The following CRYZL1 variants were observed in gnomAD, a reference collection of about 807,000 sequenced individuals.
The protein encoded by CRYZL1 is ferry endosomal RAB5 effector complex subunit 4.
A neutral mutation model predicts 50.6 loss-of-function variants in CRYZL1; 34 were observed. The ratio of observed to expected loss-of-function variants is 0.67; its 90% confidence interval spans 0.51 to 0.89. CRYZL1 has a LOEUF of 0.89. CRYZL1 is among the 40% of genes least tolerant of loss of function. The pLI, the probability that CRYZL1 is intolerant of heterozygous loss-of-function variation, is 0.00. For synonymous variants in CRYZL1, 125 were observed against 134.3 expected (o/e 0.93, Z 0.48); for missense variants, 354 against 402.3 (o/e 0.88, Z 1.03).
rs751255243 is a variant in CRYZL1 at position 33,597,292 on chromosome 21, T to C, written c.786A>G (p.Glu262=). ...LGVGGHWVTT[E]ENLQLDPPDS... ...TTTCTGATAGTACCTGAAGGTTTTC[T>C]TCTGTTGTTACCCAGTGGCCTCCAA... Residue 262 remains glutamate (E), a synonymous_variant, in exon 10 of 13, where the codon GAA becomes GAG. Coordinates refer to ENST00000381554, the MANE Select transcript of CRYZL1 (RefSeq NM_145858.3). 1.9e-6 allele frequency: 3 copies of C among 1,613,930 alleles called. No homozygotes were observed. Among genetic ancestry groups the C allele is most frequent in the Non-Finnish European group, 2.5e-6 (3 of 1,179,788 alleles).
chr21:33,622,790 A>G (rs551497128), intron 3 of CRYZL1, among the ~76,000 whole-genome samples: 2 of 152,234 alleles, frequency 1.3e-5, no homozygotes, highest in East Asian at 3.9e-4. Context: ...TATTTTAGGA[A>G]CAGTAAGTAA....
intron 5 of CRYZL1, 106 bp downstream of exon 5, chr21:33,616,600 A>C (rs1395897496): frequency 6.3e-7 from 1 of 1,578,672 alleles, no homozygotes; most frequent in South Asian, 1.1e-5. Flanking sequence ...CCGGGAAAGT[A>C]CTTCTATATG....
intron 4 of CRYZL1, among the ~76,000 whole-genome samples, chr21:33,621,620 C>T (rs2087003382): frequency 6.6e-6 from 1 of 152,198 alleles, no homozygotes; most frequent in African/African-American, 2.4e-5. Context: ...GGATTACAGG[C>T]ATGAGCCACT....
In CRYZL1 at chr21:33,600,741, T is replaced by C. The variant is rs2086742710; in HGVS notation, c.577+1493A>G. ...CCCAGGTTCACGCCATTCTCCTGCCTCAGCCTCCCGAGTAGCTGGGACTAC... is the reference window on the plus strand; with the variant it reads ...CCCAGGTTCACGCCATTCTCCTGCCCCAGCCTCCCGAGTAGCTGGGACTAC... On this transcript the variant is annotated intron_variant, in intron 8 of 12. Coordinates refer to ENST00000381554, the MANE Select transcript of CRYZL1 (RefSeq NM_145858.3). Among the ~76,000 whole-genome samples the C allele has an allele frequency of 2.0e-5, 3 of 150,810 alleles. No individual in the cohort carries two copies. In the South Asian group the frequency reaches 6.3e-4, roughly 32 times the overall value.
At chr21:33,609,386 A>G (rs7278418) in intron 6 of CRYZL1, among the ~76,000 whole-genome samples, 2 of 151,856 alleles carry the variant, frequency 1.3e-5, no homozygotes, top group African/African-American at 2.4e-5. Flanking sequence ...AGTAGCCTCA[A>G]CCTCCTAGGT....
intron 6 of CRYZL1, among the ~76,000 whole-genome samples, chr21:33,610,742 T>A (rs8127598): frequency 1.4e-5 from 2 of 138,616 alleles, no homozygotes; most frequent in East Asian, 2.2e-4. Context: ...TTTTTTTTTT[T>A]TTTTTTTTTG....
At chr21:33,624,375 A>T (rs940433382) in intron 3 of CRYZL1, among the ~76,000 whole-genome samples, 1 of 152,040 alleles carries the variant, frequency 6.6e-6, no homozygotes, top group Admixed American at 6.6e-5. Flanking sequence ...GGCAAAACCC[A>T]TTTTTATGAA....
intron 6 of CRYZL1, among the ~76,000 whole-genome samples, chr21:33,611,517 G>A (rs2086872946): frequency 6.6e-6 from 1 of 152,172 alleles, no homozygotes; most frequent in African/African-American, 2.4e-5. Context: ...TCAAGTTACT[G>A]TAAGGACTTA....
intron 11 of CRYZL1, among the ~76,000 whole-genome samples, chr21:33,593,399 C>G (rs997548376): frequency 6.6e-6 from 1 of 152,110 alleles, no homozygotes; most frequent in African/African-American, 2.4e-5. Context: ...AGCCACCACA[C>G]CTGGCCTAAA....
intron 6 of CRYZL1, among the ~76,000 whole-genome samples, chr21:33,608,737 G>T (rs950561667): frequency 2.6e-5 from 4 of 152,136 alleles, no homozygotes; most frequent in African/African-American, 9.7e-5. Context: ...GTATTCCATT[G>T]TGTATATCTA....
intron 8 of CRYZL1, among the ~76,000 whole-genome samples, chr21:33,600,726 C>T (rs1290156848): frequency 1.3e-5 from 2 of 148,812 alleles, no homozygotes; most frequent in Non-Finnish European, 3.0e-5. Flanking sequence ...CCCAGGTTCA[C>T]GCCATTCTCC....
intron 11 of CRYZL1, among the ~76,000 whole-genome samples, chr21:33,593,777 G>A (rs774831189): frequency 3.9e-5 from 6 of 151,924 alleles, no homozygotes; most frequent in Admixed American, 6.5e-5. Flanking sequence ...GAGGTTAGGC[G>A]TTTGAGACCA....
chr21:33,615,152 CTCT>C (rs773654006), intron 5 of CRYZL1, among the ~76,000 whole-genome samples: 54 of 120,882 alleles, frequency 4.5e-4, no homozygotes, highest in Admixed American at 2.1e-3. Flanking sequence ...TTTTCTTTCT[CTCT>C]TTTTTTTTTT....
intron 6 of CRYZL1, among the ~76,000 whole-genome samples, chr21:33,611,343 G>A (rs1241732254): frequency 6.6e-6 from 1 of 152,030 alleles, no homozygotes; most frequent in Non-Finnish European, 1.5e-5. Flanking sequence ...TCCAATAAGT[G>A]CAGCCCTCAG....
chr21:33,632,424 C>G (rs1256559348), intron 1 of CRYZL1, among the ~76,000 whole-genome samples: 1 of 151,846 alleles, frequency 6.6e-6, no homozygotes, highest in South Asian at 2.1e-4. Flanking sequence ...ATTGCCCAGG[C>G]TGGAGTGTAG....
chr21:33,605,509 T>C (rs1400830175), intron 6 of CRYZL1, among the ~76,000 whole-genome samples: 1 of 148,048 alleles, frequency 6.8e-6, no homozygotes, highest in Non-Finnish European at 1.5e-5. Flanking sequence ...ACTGATGTAA[T>C]TTTTCCGCAG....
At chr21:33,605,527 A>ATTTTTTTTTTTTTTTT (rs1555904645) in intron 6 of CRYZL1, among the ~76,000 whole-genome samples, 1 of 14,840 alleles carries the variant, frequency 6.7e-5, no homozygotes, top group African/African-American at 4.1e-4. Flanking sequence ...CAGTACAAGA[A>ATTTTTTTTTTTTTTTT]TTCTTTTTTT....
chr21:33,592,736 T>A (rs1024686528), intron 11 of CRYZL1, among the ~76,000 whole-genome samples: 22 of 152,158 alleles, frequency 1.4e-4, no homozygotes, highest in African/African-American at 4.8e-4. Flanking sequence ...TGAGGACTAC[T>A]GTATGATTCA....
rs150360412 is a variant in CRYZL1 at position 33,607,407 on chromosome 21, G to C, written c.332-3870C>G. Among the ~76,000 whole-genome samples the C allele has an allele frequency of 3.5e-3, 534 of 152,162 alleles. 4 individuals carry two copies. Among genetic ancestry groups the C allele is most frequent in the African/African-American group, 0.012 (504 of 41,502 alleles). On this transcript the variant is annotated intron_variant, in intron 6 of 12. Transcript: ENST00000381554. ...TAATGCCAGCACTTTGGGAGGCCAA[G>C]GCGGGAAGATCACTTGAGCTCAGGA...
Sources: gnomAD v4.1 joint callset for allele counts (sites outside exome capture counted in the v4.1 genomes callset) on GRCh38, gnomAD v4.1.1 for gene constraint, MANE v1.5 for transcripts, NCBI Gene and HGNC (gene_info 2026-07-23, HGNC 2026-07-21) for gene names.